CERS4: variants seen among roughly 807,000 people sequenced by gnomAD.
CERS4 encodes ceramide synthase 4, also known as LAG1 homolog, ceramide synthase 4.
A neutral mutation model predicts 51.8 loss-of-function variants in CERS4; 65 were observed. The ratio of observed to expected loss-of-function variants is 1.26; its 90% confidence interval spans 1.03 to 1.54. The LOEUF (loss-of-function observed/expected upper bound fraction) is 1.54, where lower values mean the gene tolerates loss of function less well. Ranked by LOEUF, CERS4 falls within the 40% of genes most tolerant of loss-of-function variation. The pLI is 0.00. For missense variants in CERS4, 563 were observed against 500.4 expected, an observed-to-expected ratio of 1.13 and a Z score of -1.19; for synonymous variants, 228 against 208.4, an observed-to-expected ratio of 1.09 and a Z score of -0.81.
At chr19:8,237,002 CAAAAAA>C (rs781273995) in intron 2 of CERS4, among the ~76,000 whole-genome samples, 78 of 44,972 alleles carry the variant, frequency 1.7e-3, no homozygotes, top group Admixed American at 4.0e-3. Context: ...GACTCTGTCT[CAAAAAA>C]AAAAAAAAAA....
In CERS4 at chr19:8,210,161, G is replaced by C. The variant is rs560750329; in HGVS notation, c.-158-545G>C. 1.3e-5 allele frequency among the ~76,000 whole-genome samples: 2 copies of C among 152,268 alleles called. No homozygotes were observed. The highest frequency in any genetic ancestry group is 3.9e-4 in the East Asian group (2 of 5,168). On this transcript the variant is annotated intron_variant, in intron 1 of 11. Coordinates refer to ENST00000251363, the MANE Select transcript of CERS4 (RefSeq NM_024552.3). The surrounding 1 kb of genome is among the most constrained non-coding windows in gnomAD (Gnocchi z 4.2). ...AGAGTGTGGAACCCGTTCTCGGGGC[G>C]GTGGGGACCAGGGAGGCTTGGAACA...
At chr19:8,255,941 AGGAGTGGGGGTGT>A in intron 6 of CERS4, 62 bp downstream of exon 6, 2 of 1,561,690 alleles carry the variant, frequency 1.3e-6, no homozygotes, top group East Asian at 4.5e-5. Flanking sequence ...TAGATCTGGC[AGGAGTGGGGGTGT>A]GGAGTGGTGC....
chr19:8,257,125 T>G, intron 9 of CERS4, 48 bp downstream of exon 9: 1 of 1,533,324 alleles, frequency 6.5e-7, no homozygotes. Flanking sequence ...TACCCAGCCC[T>G]CCCAGGTGCC....
chr19:8,238,105 AC>A (rs1468149267), intron 2 of CERS4, among the ~76,000 whole-genome samples: 2 of 147,896 alleles, frequency 1.4e-5, no homozygotes, highest in East Asian at 2.0e-4. Flanking sequence ...TTTCCCTCCA[AC>A]CCCCCAGAGA....
intron 2 of CERS4, among the ~76,000 whole-genome samples, chr19:8,213,112 C>T (rs1599500633): frequency 6.6e-6 from 1 of 151,742 alleles, no homozygotes; most frequent in South Asian, 2.1e-4. Flanking sequence ...CGATCTTCGC[C>T]CACTGCAACC....
chr19:8,255,989 G>A, intron 6 of CERS4, 110 bp downstream of exon 6: 2 of 1,249,970 alleles, frequency 1.6e-6, no homozygotes, highest in East Asian at 2.4e-5. Flanking sequence ...ACATGCAGCT[G>A]AGGAGAGAGC....
intron 3 of CERS4, 88 bp from the exon 4 acceptor site, chr19:8,254,411 T>C: frequency 7.9e-7 from 1 of 1,259,032 alleles, no homozygotes; most frequent in Non-Finnish European, 1.1e-6. Flanking sequence ...CGAGACTTGG[T>C]TATCCCACCG....
At chr19:8,251,631 G>C (rs1969085819) in intron 3 of CERS4, among the ~76,000 whole-genome samples, 1 of 152,134 alleles carries the variant, frequency 6.6e-6, no homozygotes, top group Non-Finnish European at 1.5e-5. Flanking sequence ...GGCCAACATG[G>C]TGAAACCCTG....
At chr19:8,249,504 C>T (rs1028776308) in intron 2 of CERS4, among the ~76,000 whole-genome samples, 8 of 151,152 alleles carry the variant, frequency 5.3e-5, no homozygotes, top group Non-Finnish European at 1.2e-4. Flanking sequence ...GCTTTGTGGG[C>T]TCTGGGATAG....
chr19:8,220,450 A>C (rs1213963017), intron 2 of CERS4, among the ~76,000 whole-genome samples: 2 of 152,046 alleles, frequency 1.3e-5, no homozygotes, highest in Non-Finnish European at 2.9e-5. Context: ...GATTACAGGC[A>C]TGTGCCACCA....
At chr19:8,250,892 G>GAGA in intron 2 of CERS4, 184 bp from the exon 3 acceptor site, 2 of 1,424,682 alleles carry the variant, frequency 1.4e-6, no homozygotes, top group Non-Finnish European at 9.1e-7. Context: ...TGGCTCTTCT[G>GAGA]GGACCAGAGG....
intron 3 of CERS4, among the ~76,000 whole-genome samples, chr19:8,252,850 G>A (rs549147683): frequency 3.3e-5 from 5 of 152,264 alleles, no homozygotes; most frequent in African/African-American, 1.2e-4. Context: ...GAGACTTTAA[G>A]AGGCAGGAGG....
At chr19:8,245,077 A>G (rs1246254139) in intron 2 of CERS4, among the ~76,000 whole-genome samples, 3 of 85,246 alleles carry the variant, frequency 3.5e-5, no homozygotes, top group Non-Finnish European at 7.8e-5. Flanking sequence ...GTGCCACTGC[A>G]CTCCAGGCTG....
chr19:8,255,707 A>T lies in CERS4; in HGVS notation c.392A>T (p.Lys131Met), dbSNP rs139357111. ...AACCAGGATCGACCCCAGCTGACCA[A>T]GAAGTTCTGTGAGGCCAGGTAAGCC... ...RRNQDRPQLT[K>M]KFCEASWRFL... Residue 131 changes from lysine to methionine, a missense_variant, in exon 5 of 12, where the codon AAG becomes ATG. Transcript: ENST00000251363. The T allele has an allele frequency of 6.2e-7, 1 of 1,608,000 alleles. No individual in the cohort carries two copies. Among genetic ancestry groups the T allele is most frequent in the African/African-American group, 1.3e-5 (1 of 74,360 alleles).
rs1439460887 is a variant in CERS4 at position 8,255,723 on chromosome 19, C to T, written c.408C>T (p.Ala136=). ...AGCTGACCAAGAAGTTCTGTGAGGC[C>T]AGGTAAGCCCAGGATGGGGCTTCTG... ...RPQLTKKFCE[A]SWRFLFYLSS... Residue 136 remains alanine, a splice_region_variant and synonymous_variant, in exon 5 of 12, where the codon GCC becomes GCT. Coordinates refer to ENST00000251363, the MANE Select transcript of CERS4 (RefSeq NM_024552.3). 1.2e-6 allele frequency: 2 copies of T among 1,611,712 alleles called. No homozygotes were observed. The highest frequency in any genetic ancestry group is 1.7e-5 in the Admixed American group (1 of 59,774).
rs113743621 is a variant in CERS4, at chr19:8,231,028, C to T, written c.-1-20048C>T. Among the ~76,000 whole-genome samples the T allele has an allele frequency of 7.3e-3, 1,117 of 152,018 alleles. 13 individuals are homozygous for T. The highest frequency in any genetic ancestry group is 0.025 in the African/African-American group (1,037 of 41,388). ...CTAATTTTTGTATTTTTTGTAGAGACGGTGTTTCACCATGTTGCCCAGCTG... is the reference window on the plus strand; with the variant it reads ...CTAATTTTTGTATTTTTTGTAGAGATGGTGTTTCACCATGTTGCCCAGCTG... On this transcript the variant is annotated intron_variant, in intron 2 of 11. Transcript: ENST00000251363.
In CERS4 at chr19:8,229,337, A is replaced by G. The variant is rs570617892; in HGVS notation, c.-2+18475A>G. On this transcript the variant is annotated intron_variant, in intron 2 of 11. Transcript: ENST00000251363. The stretch of plus-strand genomic sequence containing the variant: ...TCCCAACCCGGACCAGCTCCCTAGT[A>G]TAACAACTCACATGCATGTGGACTA... 2.0e-3 allele frequency among the ~76,000 whole-genome samples: 302 copies of G among 152,206 alleles called. 1 individual carries two copies. Among genetic ancestry groups the G allele is most frequent in the Middle Eastern group, 3.4e-3 (1 of 294 alleles).
At chr19:8,251,359 G>A in intron 3 of CERS4, 110 bp downstream of exon 3, 1 of 1,442,444 alleles carries the variant, frequency 6.9e-7, no homozygotes, top group East Asian at 2.6e-5. Context: ...AGCTGGCTTT[G>A]CACCAAAGCG....
intron 2 of CERS4, among the ~76,000 whole-genome samples, chr19:8,227,938 C>G (rs549600864): frequency 1.3e-5 from 2 of 151,960 alleles, no homozygotes; most frequent in Non-Finnish European, 2.9e-5. Flanking sequence ...CTCGGCTCAC[C>G]GCAACCTCTG....
Sources: allele counts gnomAD v4.1 joint callset (sites outside exome capture counted in the v4.1 genomes callset), GRCh38; gene constraint gnomAD v4.1.1; non-coding constraint Gnocchi (gnomAD v3.1); transcripts MANE v1.5; gene names NCBI Gene and HGNC (gene_info 2026-07-23, HGNC 2026-07-21).